RBFOX1: variants seen among roughly 807,000 people sequenced by gnomAD.
RBFOX1 encodes RNA binding fox-1 homolog 1, also known as RNA binding protein fox-1 homolog 1.
A neutral mutation model predicts 57.7 loss-of-function variants in RBFOX1; 8 were observed. That is an observed-to-expected ratio of 0.14 (90% confidence interval 0.08 to 0.25). RBFOX1 has a LOEUF of 0.25. Among genes scored for constraint, RBFOX1 ranks in the 10% least tolerant of loss-of-function variants. RBFOX1 has a pLI of 1.00. For missense variants in RBFOX1, 611 were observed against 548.5 expected (o/e 1.11, Z -1.14); for synonymous variants, 326 against 222.4 (o/e 1.47, Z -4.15).
chr16:6,983,360 G>C (rs553405583), intron 3 of RBFOX1, among the ~76,000 whole-genome samples: 82 of 152,016 alleles, frequency 5.4e-4, no homozygotes, highest in Non-Finnish European at 6.9e-4. Flanking sequence ...ATTATTGGTG[G>C]GGGGTGGTCT....
intron 3 of RBFOX1, among the ~76,000 whole-genome samples, chr16:7,027,687 C>G (rs909636535): frequency 2.6e-4 from 40 of 152,112 alleles, no homozygotes; most frequent in African/African-American, 9.2e-4. Context: ...GGTTTCCAGA[C>G]AGAAGAGGAA....
intron 4 of RBFOX1, among the ~76,000 whole-genome samples, chr16:7,286,532 C>T (rs1320063858): frequency 6.7e-6 from 1 of 150,338 alleles, no homozygotes; most frequent in Non-Finnish European, 1.5e-5. Context: ...TCACTGCAGC[C>T]TCCCCTGCCA....
intron 1 of RBFOX1, among the ~76,000 whole-genome samples, chr16:5,288,256 A>G (rs919945801): frequency 2.6e-5 from 4 of 152,238 alleles, no homozygotes; most frequent in African/African-American, 7.2e-5. Flanking sequence ...AGTCTTTTAC[A>G]TGCTGATAAT....
chr16:5,307,457 A>C (rs776801943), intron 1 of RBFOX1, among the ~76,000 whole-genome samples: 4 of 152,166 alleles, frequency 2.6e-5, no homozygotes, highest in Non-Finnish European at 4.4e-5. Context: ...GCAGAGAAGG[A>C]TGTAGAAGAA....
chr16:7,099,741 C>T (rs1054501423), intron 4 of RBFOX1, among the ~76,000 whole-genome samples: 7 of 152,052 alleles, frequency 4.6e-5, no homozygotes, highest in African/African-American at 1.7e-4. Context: ...GAAGGTGTTT[C>T]CAGGTCATAG....
intron 1 of RBFOX1, among the ~76,000 whole-genome samples, chr16:6,057,972 G>A (rs62015819): frequency 6.6e-6 from 1 of 151,812 alleles, no homozygotes; most frequent in African/African-American, 2.4e-5. Context: ...CAGAGAGAAA[G>A]CAAGCCTGAA....
chr16:6,983,737 A>T (rs1427060538), intron 3 of RBFOX1: 2 of 152,384 alleles, frequency 1.3e-5, no homozygotes, highest in Non-Finnish European at 2.9e-5. Flanking sequence ...TTCTGCTCAG[A>T]AGTATGTGTG....
chr16:7,644,185 C>T lies in RBFOX1; in HGVS notation c.758-9630C>T, dbSNP rs115108643. The stretch of plus-strand genomic sequence containing the variant: ...GGTGTCAGGCTGCCTTGGTTCAAAC[C>T]GCTGGGTGAGTATCTGAGCCACTCT... On this transcript the variant is annotated intron_variant, in intron 11 of 15. Transcript: ENST00000550418. 5.9e-3 allele frequency among the ~76,000 whole-genome samples: 896 copies of T among 152,182 alleles called. 8 individuals carry two copies. Among genetic ancestry groups the T allele is most frequent in the African/African-American group, 0.021 (861 of 41,510 alleles).
intron 2 of RBFOX1, among the ~76,000 whole-genome samples, chr16:6,420,506 A>G (rs905382279): frequency 6.6e-6 from 1 of 152,244 alleles, no homozygotes; most frequent in East Asian, 1.9e-4. Flanking sequence ...ATGTTAAGCC[A>G]GATATTTTTC....
At chr16:7,460,926 C>G (rs2059469832) in intron 4 of RBFOX1, among the ~76,000 whole-genome samples, 1 of 152,060 alleles carries the variant, frequency 6.6e-6, no homozygotes, top group African/African-American at 2.4e-5. Context: ...GGTTCTTGGA[C>G]CACATTTTGA....
intron 4 of RBFOX1, among the ~76,000 whole-genome samples, chr16:7,412,126 G>A (rs2098435168): frequency 6.6e-6 from 1 of 152,106 alleles, no homozygotes; most frequent in Non-Finnish European, 1.5e-5. Flanking sequence ...CCATGCTACT[G>A]TAAGATGTTA....
At chr16:5,532,292 C>A (rs187549910) in intron 2 of RBFOX1, among the ~76,000 whole-genome samples, 169 of 152,330 alleles carry the variant, frequency 1.1e-3, no homozygotes, top group African/African-American at 3.9e-3. Context: ...CTTTGCCAAA[C>A]ATTTCTGGGG....
chr16:5,502,428 AG>A (rs1248977069), intron 2 of RBFOX1, among the ~76,000 whole-genome samples: 3 of 152,220 alleles, frequency 2.0e-5, no homozygotes, highest in African/African-American at 7.2e-5. Flanking sequence ...CCTGAGGGTC[AG>A]GGGGTGGACA....
At position 6,126,079 on chromosome 16, in the gene RBFOX1, A is replaced by G. The variant is rs370671487; in HGVS notation, c.-127+106087A>G. On this transcript the variant is annotated intron_variant, in intron 1 of 15. Transcript: ENST00000550418. The stretch of plus-strand genomic sequence containing the variant: ...AGAAAAGAATTCTGTGATTCATTGA[A>G]CAGTCAGATTTCCAATATGGTGTTT... 1.7e-3 allele frequency among the ~76,000 whole-genome samples: 266 copies of G among 152,338 alleles called. 2 individuals are homozygous for G. The South Asian group carries it at 0.025, about 14-fold the overall frequency.
intron 1 of RBFOX1, among the ~76,000 whole-genome samples, chr16:5,255,198 G>A (rs531622988): frequency 1.6e-4 from 24 of 152,216 alleles, no homozygotes; most frequent in Non-Finnish European, 3.2e-4. Context: ...ACAGAGGCAA[G>A]CCCCCTTGCC....
chr16:7,453,812 C>A lies in RBFOX1; in HGVS notation c.28-64335C>A, dbSNP rs564572589. Reference sequence around the variant, plus strand: ...GATGAGATTATGAAGCACGGAGGAGCACCTTCAGCCTTAAGATGGCATTCC... The same window carrying A: ...GATGAGATTATGAAGCACGGAGGAGAACCTTCAGCCTTAAGATGGCATTCC... On this transcript the variant is annotated intron_variant, in intron 4 of 15. Transcript: ENST00000550418. 2.5e-4 allele frequency among the ~76,000 whole-genome samples: 38 copies of A among 152,272 alleles called. No homozygotes were observed. In the South Asian group the frequency reaches 7.9e-3, roughly 32 times the overall value.
intron 4 of RBFOX1, among the ~76,000 whole-genome samples, chr16:5,902,915 G>A (rs780954181): frequency 2.6e-5 from 4 of 152,042 alleles, no homozygotes; most frequent in Admixed American, 2.0e-4. Context: ...GACGCGTATC[G>A]AAGTGACCAT....
chr16:5,910,317 C>G (rs936065284), intron 4 of RBFOX1, among the ~76,000 whole-genome samples: 2 of 152,094 alleles, frequency 1.3e-5, no homozygotes, highest in African/African-American at 4.8e-5. Flanking sequence ...TCTCCCGTTC[C>G]CTGCCTCCAT....
intron 1 of RBFOX1, among the ~76,000 whole-genome samples, chr16:5,434,826 C>T (rs144312334): frequency 6.6e-6 from 1 of 152,162 alleles, no homozygotes; most frequent in African/African-American, 2.4e-5. Context: ...GGTTACCTGC[C>T]TAATGTTAAA....
Sources: gnomAD v4.1 joint callset for allele counts (sites outside exome capture counted in the v4.1 genomes callset) on GRCh38, gnomAD v4.1.1 for gene constraint, MANE v1.5 for transcripts, NCBI Gene and HGNC (gene_info 2026-07-23, HGNC 2026-07-21) for gene names.